The following ARHGEF26 variants were observed in gnomAD, a reference collection of about 807,000 sequenced individuals.
ARHGEF26 encodes Rho guanine nucleotide exchange factor 26, also known as Rho guanine nucleotide exchange factor (GEF) 26.
A neutral mutation model predicts 89.4 loss-of-function variants in ARHGEF26; 59 were observed. The observed-to-expected ratio is 0.66, with a 90% CI of 0.54 to 0.82. The LOEUF is 0.82. ARHGEF26 is among the 40% of genes least tolerant of loss of function. The probability of loss-of-function intolerance (pLI) is 0.00; values close to 1 mark genes in which losing one functional copy is unlikely to be tolerated. For missense variants in ARHGEF26, 1,234 were observed against 1,085.6 expected, an observed-to-expected ratio of 1.14 and a Z score of -1.92; for synonymous variants, 500 against 428.4, an observed-to-expected ratio of 1.17 and a Z score of -2.06.
At chr3:154,131,730 G>A (rs1238304239) in intron 4 of ARHGEF26, among the ~76,000 whole-genome samples, 6 of 152,294 alleles carry the variant, frequency 3.9e-5, no homozygotes, top group East Asian at 3.9e-4. Context: ...CTGAAAGAAT[G>A]CTAAAAAGAA....
chr3:154,153,005 G>A, intron 6 of ARHGEF26, 73 bp downstream of exon 6: 1 of 1,286,300 alleles, frequency 7.8e-7, no homozygotes, highest in Non-Finnish European at 1.0e-6. Flanking sequence ...TATCTCTAAA[G>A]GAAGGCATTT....
intron 8 of ARHGEF26, among the ~76,000 whole-genome samples, chr3:154,191,769 G>A (rs1364887111): frequency 2.0e-5 from 3 of 152,100 alleles, no homozygotes; most frequent in African/African-American, 7.2e-5. Flanking sequence ...GTCTCTTTGG[G>A]CCTAAGATTC....
At chr3:154,209,076 A>C (rs966580679) in intron 9 of ARHGEF26, among the ~76,000 whole-genome samples, 1 of 151,878 alleles carries the variant, frequency 6.6e-6, no homozygotes, top group Non-Finnish European at 1.5e-5. Context: ...CGCCAGTTGC[A>C]TTTTTTGGCT....
chr3:154,256,379 C>T lies in ARHGEF26; in HGVS notation c.*906C>T, dbSNP rs993881946. 1.5e-5 allele frequency: 11 copies of T among 755,614 alleles called. No individual in the cohort carries two copies. Among genetic ancestry groups the T allele is most frequent in the African/African-American group, 3.9e-5 (2 of 51,800 alleles). 46.8% of individuals were successfully genotyped at this position (755,614 alleles called of 1,614,324 possible). ...CTGGGATTGTAAGAGTATGCCACCACGCCCAGCTACTTTTTGTATTTTTAG... is the reference window on the plus strand; with the variant it reads ...CTGGGATTGTAAGAGTATGCCACCATGCCCAGCTACTTTTTGTATTTTTAG... On this transcript the variant is annotated 3_prime_UTR_variant, in exon 15 of 15. Transcript: ENST00000465093.
intron 10 of ARHGEF26, among the ~76,000 whole-genome samples, chr3:154,218,704 A>C (rs552790314): frequency 6.6e-6 from 1 of 152,242 alleles, no homozygotes; most frequent in African/African-American, 2.4e-5. Flanking sequence ...AGTGATCAGC[A>C]TTTCATGGTA....
chr3:154,160,783 A>G (rs1711606794), intron 6 of ARHGEF26, among the ~76,000 whole-genome samples: 1 of 152,162 alleles, frequency 6.6e-6, no homozygotes, highest in Non-Finnish European at 1.5e-5. Flanking sequence ...AACTTAATTA[A>G]TTTGGTCTAG....
Position 154,256,187 on chromosome 3 carries a change from A to G in ARHGEF26, c.*714A>G. On this transcript the variant is annotated 3_prime_UTR_variant, in exon 15 of 15. Transcript: ENST00000465093. The stretch of plus-strand genomic sequence containing the variant: ...ACCTAAGCTACCTTTAACAACGTAG[A>G]ATTTAGATGGGTTCATATATGTGAG... The G allele has an allele frequency of 2.0e-6, 2 of 985,786 alleles. No homozygotes were observed. Among genetic ancestry groups the G allele is most frequent in the Non-Finnish European group, 2.4e-6 (2 of 829,974 alleles). The allele number at this position is 985,786 out of a possible 1,614,324, so 61.1% of individuals were successfully genotyped here.
intron 6 of ARHGEF26, among the ~76,000 whole-genome samples, chr3:154,173,211 C>A (rs545446836): frequency 6.6e-6 from 1 of 151,610 alleles, no homozygotes. Flanking sequence ...ACCCCCCCAC[C>A]CCACCTGCAG....
At chr3:154,172,381 A>G (rs772681620) in intron 6 of ARHGEF26, among the ~76,000 whole-genome samples, 5 of 152,126 alleles carry the variant, frequency 3.3e-5, no homozygotes, top group Non-Finnish European at 7.3e-5. Flanking sequence ...GGTTGTGTTT[A>G]AAGACAGGCC....
intron 6 of ARHGEF26, among the ~76,000 whole-genome samples, chr3:154,175,353 C>T (rs1192092296): frequency 6.6e-6 from 1 of 151,966 alleles, no homozygotes; most frequent in African/African-American, 2.4e-5. Context: ...CTCTTTTTAC[C>T]TTTTCATATG....
At chr3:154,190,142 A>G (rs1490152102) in intron 7 of ARHGEF26, among the ~76,000 whole-genome samples, 1 of 152,132 alleles carries the variant, frequency 6.6e-6, no homozygotes, top group East Asian at 1.9e-4. Flanking sequence ...GGAACTCTAC[A>G]GAGCTCCTCA....
intron 4 of ARHGEF26, among the ~76,000 whole-genome samples, chr3:154,135,563 A>G (rs1048520511): frequency 1.3e-5 from 2 of 152,200 alleles, no homozygotes; most frequent in Admixed American, 6.5e-5. Flanking sequence ...AACTCTACTC[A>G]GAGACAAAAA....
chr3:154,235,328 A>G (rs546241071), intron 11 of ARHGEF26, among the ~76,000 whole-genome samples: 1 of 152,092 alleles, frequency 6.6e-6, no homozygotes, highest in Non-Finnish European at 1.5e-5. Flanking sequence ...AATCCATATT[A>G]AGGGTTTTGT....
intron 11 of ARHGEF26, among the ~76,000 whole-genome samples, chr3:154,234,356 A>G (rs1221672856): frequency 6.6e-6 from 1 of 152,118 alleles, no homozygotes; most frequent in Non-Finnish European, 1.5e-5. Context: ...TTAAGATGAG[A>G]ACTTGCCCTA....
intron 9 of ARHGEF26, among the ~76,000 whole-genome samples, chr3:154,203,783 T>C (rs1377000785): frequency 6.6e-6 from 1 of 152,164 alleles, no homozygotes; most frequent in Non-Finnish European, 1.5e-5. Flanking sequence ...ATTACACTGA[T>C]TGGTTTGCCT....
intron 9 of ARHGEF26, among the ~76,000 whole-genome samples, chr3:154,198,254 A>G (rs1476374703): frequency 1.3e-5 from 2 of 152,210 alleles, no homozygotes; most frequent in Non-Finnish European, 2.9e-5. Context: ...TGTGGTGAAA[A>G]GGAAACACTT....
chr3:154,138,940 A>G (rs1719187168), intron 4 of ARHGEF26, among the ~76,000 whole-genome samples: 1 of 152,172 alleles, frequency 6.6e-6, no homozygotes, highest in Non-Finnish European at 1.5e-5. Context: ...CATAATTACT[A>G]TTGTGGTAAA....
chr3:154,133,459 A>C (rs903231163), intron 4 of ARHGEF26, among the ~76,000 whole-genome samples: 3 of 151,672 alleles, frequency 2.0e-5, no homozygotes, highest in Non-Finnish European at 4.4e-5. Context: ...GGACTAAAGA[A>C]ATAAGGCTGC....
chr3:154,252,172 C>G (rs1199901009), intron 12 of ARHGEF26, among the ~76,000 whole-genome samples: 2 of 152,056 alleles, frequency 1.3e-5, no homozygotes, highest in Non-Finnish European at 2.9e-5. Flanking sequence ...GTCATGAAGG[C>G]ATTTTTTCTT....
Sources: allele counts gnomAD v4.1 joint callset (sites outside exome capture counted in the v4.1 genomes callset), GRCh38; gene constraint gnomAD v4.1.1; transcripts MANE v1.5; gene names NCBI Gene and HGNC (gene_info 2026-07-23, HGNC 2026-07-21).